Variants in EPHA6 observed in about 807,000 individuals in gnomAD.
EPHA6 encodes the protein EPH receptor A6, also known as ephrin type-A receptor 6.
In EPHA6, 50 loss-of-function variants were observed where a neutral mutation model predicts 112.0. That is an observed-to-expected ratio of 0.45 (90% CI 0.36 to 0.56). The LOEUF is 0.56. EPHA6 is among the 20% of genes least tolerant of loss of function. The probability of loss-of-function intolerance (pLI) is 0.00; values close to 1 mark genes in which losing one functional copy is unlikely to be tolerated. For missense variants in EPHA6, 1,280 were observed against 1,417.4 expected, an observed-to-expected ratio of 0.90 and a Z score of 1.56; for synonymous variants, 529 against 490.7, an observed-to-expected ratio of 1.08 and a Z score of -1.03.
intron 3 of EPHA6, among the ~76,000 whole-genome samples, chr3:97,013,491 T>G (rs912132561): frequency 6.6e-6 from 1 of 152,178 alleles, no homozygotes; most frequent in Non-Finnish European, 1.5e-5. Flanking sequence ...ATATTTACTG[T>G]GTACCCACTA....
chr3:97,613,139 C>G (rs928170544), intron 13 of EPHA6, among the ~76,000 whole-genome samples: 4 of 152,018 alleles, frequency 2.6e-5, no homozygotes, highest in Non-Finnish European at 5.9e-5. Flanking sequence ...TCTTACCCTT[C>G]TTTGTAATCA....
At chr3:97,487,100 G>C (rs2091716886) in intron 10 of EPHA6, among the ~76,000 whole-genome samples, 1 of 152,142 alleles carries the variant, frequency 6.6e-6, no homozygotes, top group Non-Finnish European at 1.5e-5. Flanking sequence ...CAGATATCAG[G>C]TTGTGACAAT....
chr3:96,858,927 T>G (rs1363247388), intron 1 of EPHA6, among the ~76,000 whole-genome samples: 4 of 152,148 alleles, frequency 2.6e-5, no homozygotes. Context: ...AGAGACCACT[T>G]TGCCTCTTAA....
chr3:97,331,277 A>G (rs1241768189), intron 5 of EPHA6, among the ~76,000 whole-genome samples: 1 of 152,172 alleles, frequency 6.6e-6, no homozygotes, highest in Non-Finnish European at 1.5e-5. Context: ...ATAGCACTAA[A>G]TGCCCACAAG....
intron 11 of EPHA6, among the ~76,000 whole-genome samples, chr3:97,549,996 G>T (rs879873989): frequency 3.3e-5 from 5 of 152,040 alleles, no homozygotes; most frequent in Non-Finnish European, 5.9e-5. Flanking sequence ...AAGAATTTTT[G>T]AAAACTCTAG....
At chr3:97,450,909 C>T (rs1405713417) in intron 7 of EPHA6, among the ~76,000 whole-genome samples, 1 of 152,016 alleles carries the variant, frequency 6.6e-6, no homozygotes, top group Non-Finnish European at 1.5e-5. Context: ...ATGGTGGCAG[C>T]ATAGTGAAGA....
At chr3:97,062,115 G>T (rs1225968400) in intron 3 of EPHA6, among the ~76,000 whole-genome samples, 1 of 152,054 alleles carries the variant, frequency 6.6e-6, no homozygotes, top group Admixed American at 6.6e-5. Flanking sequence ...AATGGAGAAT[G>T]AGTATTATAG....
intron 14 of EPHA6, among the ~76,000 whole-genome samples, chr3:97,688,957 T>G (rs2032458503): frequency 6.6e-6 from 1 of 152,218 alleles, no homozygotes; most frequent in South Asian, 2.1e-4. Flanking sequence ...GTAAACCAAA[T>G]GTATAGATTA....
chr3:96,814,862 G>T lies in EPHA6; in HGVS notation c.239G>T (p.Arg80Leu). ...HPTQNTCLRC[R>L]HFSLRERKRE... ...ACCCAGAACACCTGCCTGCGCTGCC[G>T]CCACTTCTCTTTAAGGGAGAGGAAA... Residue 80 changes from arginine (R) to leucine (L), a missense_variant, in exon 1 of 18, where the codon CGC becomes CTC. This residue lies in a region of EPHA6 where 220 missense variants were observed against 171.5 expected (regional missense o/e 1.28). Transcript: ENST00000389672. 2 of 1,561,044 alleles carry T rather than the reference G, an allele frequency of 1.3e-6. No homozygotes were observed.
intron 3 of EPHA6, among the ~76,000 whole-genome samples, chr3:97,068,910 G>C (rs2046267461): frequency 6.6e-6 from 1 of 152,140 alleles, no homozygotes; most frequent in Non-Finnish European, 1.5e-5. Context: ...CCAGCCTCCA[G>C]AAATGTGAGA....
intron 2 of EPHA6, among the ~76,000 whole-genome samples, chr3:96,867,309 A>C (rs16836669): frequency 0.016 from 2,382 of 151,884 alleles, 62 homozygotes; most frequent in African/African-American, 0.048. Context: ...TACAGAATAC[A>C]AGTCTACTAA....
At chr3:97,433,070 G>A (rs11920285) in intron 6 of EPHA6, among the ~76,000 whole-genome samples, 18,810 of 152,106 alleles carry the variant, frequency 0.12, 3,733 homozygotes, top group African/African-American at 0.41. Flanking sequence ...TTTCATCTAC[G>A]GCATAGATAT....
chr3:97,013,879 T>G (rs1332361068), intron 3 of EPHA6, among the ~76,000 whole-genome samples: 3 of 152,156 alleles, frequency 2.0e-5, no homozygotes, highest in African/African-American at 7.2e-5. Context: ...TTTTTGTTTT[T>G]GGCATGGGTC....
At chr3:96,882,726 GTGTC>G (rs1341792253) in intron 2 of EPHA6, among the ~76,000 whole-genome samples, 1 of 143,384 alleles carries the variant, frequency 7.0e-6, no homozygotes, top group Non-Finnish European at 1.5e-5. Context: ...ATTCCATTGT[GTGTC>G]TGTGTGTGTG....
At chr3:97,408,336 T>G (rs144266657) in intron 6 of EPHA6, among the ~76,000 whole-genome samples, 1 of 151,948 alleles carries the variant, frequency 6.6e-6, no homozygotes, top group Non-Finnish European at 1.5e-5. Flanking sequence ...CACCCTTCTC[T>G]TATCTCTGTT....
At chr3:97,096,924 A>G (rs2047256680) in intron 3 of EPHA6, among the ~76,000 whole-genome samples, 1 of 151,820 alleles carries the variant, frequency 6.6e-6, no homozygotes, top group East Asian at 1.9e-4. Context: ...ACTCAGTGTT[A>G]AATGCCCACA....
intron 5 of EPHA6, among the ~76,000 whole-genome samples, chr3:97,267,707 G>A (rs866974569): frequency 7.2e-5 from 11 of 152,086 alleles, no homozygotes; most frequent in African/African-American, 1.4e-4. Context: ...GTCACCTACC[G>A]TAAAAGCACA....
At chr3:97,093,346 C>T (rs181084742) in intron 3 of EPHA6, among the ~76,000 whole-genome samples, 166 of 152,054 alleles carry the variant, frequency 1.1e-3, no homozygotes, top group African/African-American at 3.4e-3. Context: ...GTCAGGAGTT[C>T]GAGACCAGCC....
chr3:97,247,851 A>T (rs2079028036), intron 5 of EPHA6, among the ~76,000 whole-genome samples: 1 of 152,006 alleles, frequency 6.6e-6, no homozygotes, highest in South Asian at 2.1e-4. Flanking sequence ...TACTTACATG[A>T]GTATGGAAAA....
Sources: gnomAD v4.1 joint callset for allele counts (sites outside exome capture counted in the v4.1 genomes callset) on GRCh38, gnomAD v4.1.1 for gene constraint, gnomAD v4.1.1 regional missense constraint, MANE v1.5 for transcripts, NCBI Gene and HGNC (gene_info 2026-07-23, HGNC 2026-07-21) for gene names.